Variants in TAFA2 observed in about 807,000 individuals in gnomAD.
The protein encoded by TAFA2 is TAFA chemokine like family member 2.
TAFA2 carries 7 observed loss-of-function variants against 18.8 expected under a neutral mutation model. That is an observed-to-expected ratio of 0.37 (90% CI 0.21 to 0.70). TAFA2 has a LOEUF of 0.70. TAFA2 is among the 30% of genes least tolerant of loss of function. The pLI is 0.53. For missense variants in TAFA2, 122 were observed against 158.1 expected, an observed-to-expected ratio of 0.77 and a Z score of 1.23; for synonymous variants, 60 against 54.2, an observed-to-expected ratio of 1.11 and a Z score of -0.47.
chr12:62,088,027 T>C (rs980880962), intron 1 of TAFA2, among the ~76,000 whole-genome samples: 1 of 152,122 alleles, frequency 6.6e-6, no homozygotes, highest in Non-Finnish European at 1.5e-5. Flanking sequence ...GTATCTCTTT[T>C]ATTCTCAACA....
chr12:62,157,189 A>G (rs1216009910), intron 1 of TAFA2, among the ~76,000 whole-genome samples: 1 of 152,200 alleles, frequency 6.6e-6, no homozygotes, highest in Non-Finnish European at 1.5e-5. Context: ...CCAACAACAT[A>G]TAATAGACTT....
chr12:62,062,182 A>T (rs927297813), intron 1 of TAFA2, among the ~76,000 whole-genome samples: 14 of 152,160 alleles, frequency 9.2e-5, no homozygotes, highest in Non-Finnish European at 1.6e-4. Flanking sequence ...AACAAAAAAA[A>T]AGAGATGCAA....
intron 1 of TAFA2, among the ~76,000 whole-genome samples, chr12:61,997,216 A>C (rs1188810276): frequency 7.9e-6 from 1 of 126,848 alleles, no homozygotes; most frequent in African/African-American, 2.7e-5. Context: ...TAACCCATTA[A>C]GTGGTCGTAA....
chr12:62,241,415 C>A (rs1293678363), intron 1 of TAFA2, among the ~76,000 whole-genome samples: 2 of 152,172 alleles, frequency 1.3e-5, no homozygotes, highest in Admixed American at 6.6e-5. Flanking sequence ...TTAGCTTGAC[C>A]TCAACCTGAG....
chr12:62,098,324 C>T (rs1869036208), intron 1 of TAFA2, among the ~76,000 whole-genome samples: 1 of 152,116 alleles, frequency 6.6e-6, no homozygotes, highest in Non-Finnish European at 1.5e-5. Context: ...ATCATCTCAA[C>T]AGGCACATGA....
At chr12:61,817,034 C>T (rs1367336099) in intron 2 of TAFA2, among the ~76,000 whole-genome samples, 1 of 151,302 alleles carries the variant, frequency 6.6e-6, no homozygotes, top group Non-Finnish European at 1.5e-5. Context: ...TTTGTTGCTA[C>T]TTCCATAGCT....
intron 1 of TAFA2, among the ~76,000 whole-genome samples, chr12:61,893,955 C>T (rs887154429): frequency 1.8e-4 from 28 of 152,012 alleles, no homozygotes; most frequent in African/African-American, 6.8e-4. Flanking sequence ...CTATATGAAC[C>T]CAAGTCAAAC....
At chr12:61,723,447 A>C (rs975827260) in intron 4 of TAFA2, among the ~76,000 whole-genome samples, 1 of 152,140 alleles carries the variant, frequency 6.6e-6, no homozygotes, top group Non-Finnish European at 1.5e-5. Context: ...CAGAAGAAGG[A>C]AAGCTAGAAT....
chr12:61,900,326 C>T (rs1053259687), intron 1 of TAFA2, among the ~76,000 whole-genome samples: 3 of 152,150 alleles, frequency 2.0e-5, no homozygotes, highest in East Asian at 3.8e-4. Context: ...CCACCAGCAA[C>T]AATGTGTAAG....
At chr12:62,155,789 CA>C (rs1254984115) in intron 1 of TAFA2, among the ~76,000 whole-genome samples, 1 of 152,122 alleles carries the variant, frequency 6.6e-6, no homozygotes, top group Non-Finnish European at 1.5e-5. Context: ...ATACAAAAAT[CA>C]ACTCAAGATG....
At position 61,851,774 on chromosome 12, in the gene TAFA2, C is replaced by CA. The variant is rs55651727; in HGVS notation, c.106+15545dup. Among the ~76,000 whole-genome samples, 12 of 14,500 alleles carry CA rather than the reference C, an allele frequency of 8.3e-4. 2 individuals carry two copies. The highest frequency in any genetic ancestry group is 1.5e-3 in the Non-Finnish European group (9 of 6,010). 9.5% of individuals were successfully genotyped at this position (14,500 alleles called of 152,430 possible). On this transcript the variant is annotated intron_variant, in intron 2 of 4. Coordinates refer to ENST00000416284, the MANE Select transcript of TAFA2 (RefSeq NM_178539.5). The stretch of plus-strand genomic sequence containing the variant: ...TGGGCGACAGAGCGAGACTCCATCT[C>CA]AAAAAAAAAAAAAAAAAAAAAAAAA...
At chr12:62,055,902 G>A (rs1592308738) in intron 1 of TAFA2, among the ~76,000 whole-genome samples, 1 of 152,026 alleles carries the variant, frequency 6.6e-6, no homozygotes, top group South Asian at 2.1e-4. Context: ...CTTATTATAG[G>A]TTACTGTCAA....
intron 1 of TAFA2, among the ~76,000 whole-genome samples, chr12:62,066,707 A>G (rs1882497954): frequency 6.6e-6 from 1 of 151,932 alleles, no homozygotes; most frequent in Non-Finnish European, 1.5e-5. Context: ...TTCTTTATCC[A>G]TTCATCTATT....
intron 1 of TAFA2, among the ~76,000 whole-genome samples, chr12:61,903,425 C>G (rs1303452956): frequency 6.6e-6 from 1 of 152,150 alleles, no homozygotes; most frequent in East Asian, 1.9e-4. Context: ...TTCATTTTTA[C>G]CACAATGAAC....
intron 1 of TAFA2, among the ~76,000 whole-genome samples, chr12:62,228,711 T>C (rs2062798977): frequency 6.6e-6 from 1 of 152,196 alleles, no homozygotes; most frequent in Non-Finnish European, 1.5e-5. Context: ...TTATTCAGGA[T>C]CATTTGTGCT....
intron 2 of TAFA2, among the ~76,000 whole-genome samples, chr12:61,793,536 C>T (rs1383100269): frequency 4.0e-5 from 6 of 151,728 alleles, no homozygotes; most frequent in African/African-American, 1.2e-4. Context: ...AACTACTAAA[C>T]CTCACTCAAG....
At chr12:61,774,710 G>C (rs978115916) in intron 2 of TAFA2, among the ~76,000 whole-genome samples, 6 of 151,134 alleles carry the variant, frequency 4.0e-5, no homozygotes, top group African/African-American at 1.5e-4. Context: ...TTATATATTG[G>C]GTACAGTGTA....
intron 4 of TAFA2, among the ~76,000 whole-genome samples, chr12:61,735,848 T>C (rs1489681616): frequency 1.3e-5 from 2 of 152,074 alleles, no homozygotes; most frequent in African/African-American, 4.8e-5. Context: ...ATGCTGAATA[T>C]ATTTGCAAAA....
intron 2 of TAFA2, among the ~76,000 whole-genome samples, chr12:61,763,665 A>G (rs968961638): frequency 6.6e-6 from 1 of 151,928 alleles, no homozygotes; most frequent in Non-Finnish European, 1.5e-5. Context: ...GGAAATTGAC[A>G]CATGAGCCAA....
Sources: gnomAD v4.1 joint callset for allele counts (sites outside exome capture counted in the v4.1 genomes callset) on GRCh38, gnomAD v4.1.1 for gene constraint, MANE v1.5 for transcripts, NCBI Gene and HGNC (gene_info 2026-07-23, HGNC 2026-07-21) for gene names.